The following PTPRT variants were observed in gnomAD, a reference collection of about 807,000 sequenced individuals.
PTPRT encodes the protein receptor-type tyrosine-protein phosphatase T.
PTPRT carries 56 observed loss-of-function variants against 176.8 expected under a neutral mutation model. That is an observed-to-expected ratio of 0.32 (90% CI 0.26 to 0.40). The LOEUF is 0.40. Among genes scored for constraint, PTPRT ranks in the 10% least tolerant of loss-of-function variants. The pLI is 1.00. For synonymous variants in PTPRT, 783 were observed against 739.0 expected, an observed-to-expected ratio of 1.06 and a Z score of -0.96; for missense variants, 1,540 against 1,908.2, an observed-to-expected ratio of 0.81 and a Z score of 3.60.
rs867044804 is a variant in PTPRT at position 42,995,935 on chromosome 20, T to C, written c.89-110003A>G. Among the ~76,000 whole-genome samples, 3 of 152,012 alleles carry C rather than the reference T, an allele frequency of 2.0e-5. No individual in the cohort carries two copies. The East Asian group carries it at 5.8e-4, about 29-fold the overall frequency. The stretch of plus-strand genomic sequence containing the variant: ...GGCTCAAGCGATCCTCCTGCCTCAG[T>C]TTCCTAAGTAGCTAGGACTACAGGC... On this transcript the variant is annotated intron_variant, in intron 1 of 30. Coordinates refer to ENST00000373187, the MANE Select transcript of PTPRT (RefSeq NM_007050.6).
intron 16 of PTPRT, among the ~76,000 whole-genome samples, chr20:42,162,385 A>G (rs1394361487): frequency 6.6e-6 from 1 of 152,100 alleles, no homozygotes; most frequent in East Asian, 1.9e-4. Flanking sequence ...AGTTGCTTTA[A>G]CTGCCTTCTG....
At chr20:42,240,243 T>C (rs973200116) in intron 14 of PTPRT, among the ~76,000 whole-genome samples, 1 of 152,180 alleles carries the variant, frequency 6.6e-6, no homozygotes, top group Non-Finnish European at 1.5e-5. Context: ...ATTAATTGAA[T>C]CTCTTTTCCC....
intron 17 of PTPRT, among the ~76,000 whole-genome samples, chr20:42,159,500 G>C (rs1355552861): frequency 6.6e-6 from 1 of 151,644 alleles, no homozygotes. Context: ...AAGCAGGTCT[G>C]CATACACACA....
chr20:42,615,507 G>A (rs1184286805), intron 7 of PTPRT, among the ~76,000 whole-genome samples: 1 of 138,810 alleles, frequency 7.2e-6, no homozygotes, highest in East Asian at 2.0e-4. Flanking sequence ...CTGAGGAATC[G>A]CCACAGTGAC....
At chr20:42,834,766 T>A (rs1211565952) in intron 2 of PTPRT, among the ~76,000 whole-genome samples, 1 of 152,262 alleles carries the variant, frequency 6.6e-6, no homozygotes, top group Non-Finnish European at 1.5e-5. Context: ...ACTAGAGTAA[T>A]GGATATATGA....
At chr20:43,009,610 G>A (rs1301557794) in intron 1 of PTPRT, among the ~76,000 whole-genome samples, 1 of 152,198 alleles carries the variant, frequency 6.6e-6, no homozygotes, top group East Asian at 1.9e-4. Context: ...TTGGAGGCAG[G>A]CTGAAGCACT....
chr20:42,197,777 T>A (rs527986531), intron 16 of PTPRT, among the ~76,000 whole-genome samples: 8 of 152,168 alleles, frequency 5.3e-5, no homozygotes, highest in Non-Finnish European at 8.8e-5. Context: ...TACAGCCAAG[T>A]GCAAAAGTGC....
intron 7 of PTPRT, among the ~76,000 whole-genome samples, chr20:42,603,223 T>A (rs552892108): frequency 6.6e-6 from 1 of 150,802 alleles, no homozygotes; most frequent in South Asian, 2.1e-4. Flanking sequence ...GAGATACGAG[T>A]GATGTAGTAA....
At chr20:42,760,049 C>T (rs928619835) in intron 5 of PTPRT, among the ~76,000 whole-genome samples, 1 of 152,192 alleles carries the variant, frequency 6.6e-6, no homozygotes, top group South Asian at 2.1e-4. Flanking sequence ...ATGAAGTGTA[C>T]CCCAGAGTGG....
At chr20:42,910,294 C>T (rs2079528336) in intron 1 of PTPRT, among the ~76,000 whole-genome samples, 1 of 152,178 alleles carries the variant, frequency 6.6e-6, no homozygotes, top group Non-Finnish European at 1.5e-5. Flanking sequence ...TGGAAGGCTC[C>T]TCCAGGCAAG....
intron 2 of PTPRT, among the ~76,000 whole-genome samples, chr20:42,853,060 G>A (rs1424831183): frequency 3.3e-5 from 5 of 152,186 alleles, no homozygotes; most frequent in Non-Finnish European, 7.3e-5. Flanking sequence ...TGCATTTCAG[G>A]ATAAGAGCAA....
chr20:42,157,951 C>G (rs1989434075), intron 17 of PTPRT, among the ~76,000 whole-genome samples: 1 of 151,634 alleles, frequency 6.6e-6, no homozygotes, highest in African/African-American at 2.4e-5. Context: ...GTGGACAATC[C>G]CAGCTGAAAG....
chr20:42,536,015 G>T (rs1254110018), intron 7 of PTPRT, among the ~76,000 whole-genome samples: 3 of 152,112 alleles, frequency 2.0e-5, no homozygotes, highest in African/African-American at 7.2e-5. Flanking sequence ...AGATCGGCTA[G>T]TCTGGTTATT....
rs1333484326 is a variant in PTPRT, at chr20:42,275,346, C to T, written c.2176+7143G>A. Among the ~76,000 whole-genome samples, 4 of 152,168 alleles carry T rather than the reference C, an allele frequency of 2.6e-5. No individual in the cohort carries two copies. In the East Asian group the frequency reaches 7.7e-4, roughly 29 times the overall value. On this transcript the variant is annotated intron_variant, in intron 13 of 30. Coordinates refer to ENST00000373187, the MANE Select transcript of PTPRT (RefSeq NM_007050.6). ...TTCCCGGACTCCCAATTTTAAAAGG[C>T]CCCCCTTTTCCTTTAGAAGATGCAA...
intron 1 of PTPRT, among the ~76,000 whole-genome samples, chr20:43,103,436 G>C (rs981298261): frequency 1.3e-5 from 2 of 152,210 alleles, no homozygotes; most frequent in African/African-American, 4.8e-5. Context: ...AGAGATGCAA[G>C]AGACAAATTT....
intron 1 of PTPRT, among the ~76,000 whole-genome samples, chr20:42,908,048 A>T (rs2079500682): frequency 6.6e-6 from 1 of 152,092 alleles, no homozygotes; most frequent in Non-Finnish European, 1.5e-5. Flanking sequence ...GTGGCAGAGT[A>T]GCCCCCCATG....
intron 8 of PTPRT, among the ~76,000 whole-genome samples, chr20:42,457,791 T>C (rs2070948498): frequency 6.6e-6 from 1 of 152,160 alleles, no homozygotes; most frequent in African/African-American, 2.4e-5. Flanking sequence ...TGAAGTTAGT[T>C]ACCACAGACA....
Position 42,402,742 on chromosome 20 carries a change from T to C in PTPRT, c.1560+45478A>G, listed in dbSNP as rs115952095. Among the ~76,000 whole-genome samples the C allele has an allele frequency of 3.3e-3, 506 of 151,852 alleles. 2 individuals are homozygous for C. The highest frequency in any genetic ancestry group is 0.012 in the African/African-American group (482 of 41,464). On this transcript the variant is annotated intron_variant, in intron 9 of 30. Coordinates refer to ENST00000373187, the MANE Select transcript of PTPRT (RefSeq NM_007050.6). ...ATTTAATCTGGAGGAACTTGCAGGA[T>C]TTGTGAAAACATCTGCTGCTACTCA...
At chr20:43,125,081 C>T (rs920249697) in intron 1 of PTPRT, among the ~76,000 whole-genome samples, 4 of 151,944 alleles carry the variant, frequency 2.6e-5, no homozygotes, top group African/African-American at 9.7e-5. Context: ...CTGCAACCTC[C>T]ACCTCCCAGG....
Sources: allele counts gnomAD v4.1 joint callset (sites outside exome capture counted in the v4.1 genomes callset), GRCh38; gene constraint gnomAD v4.1.1; transcripts MANE v1.5; gene names NCBI Gene and HGNC (gene_info 2026-07-23, HGNC 2026-07-21).